The following C12orf76 variants were observed in gnomAD, a reference collection of about 807,000 sequenced individuals.
C12orf76 encodes uncharacterized protein C12orf76.
C12orf76 carries 6 observed loss-of-function variants against 6.8 expected under a neutral mutation model. That is an observed-to-expected ratio of 0.88 (90% CI 0.48 to 1.73). The LOEUF is 1.73. Ranked by LOEUF, C12orf76 falls within the 40% of genes most tolerant of loss-of-function variation. The pLI, the probability that C12orf76 is intolerant of heterozygous loss-of-function variation, is 0.01. For missense variants in C12orf76, 99 were observed against 98.2 expected, an observed-to-expected ratio of 1.01 and a Z score of -0.03; for synonymous variants, 56 against 43.7, an observed-to-expected ratio of 1.28 and a Z score of -1.11.
upstream of C12orf76, among the ~76,000 whole-genome samples, chr12:110,070,676 G>A (rs1892951217): frequency 6.6e-6 from 1 of 152,214 alleles, no homozygotes; most frequent in Non-Finnish European, 1.5e-5. Flanking sequence ...CTGTATTAAT[G>A]CAGAAGGGGG....
chr12:110,062,293 G>T (rs558966602), intron 2 of C12orf76, among the ~76,000 whole-genome samples: 1 of 152,030 alleles, frequency 6.6e-6, no homozygotes, highest in African/African-American at 2.4e-5. Context: ...TATTGTATTC[G>T]GCAGGGTTTC....
At chr12:110,068,337 C>T (rs534452406), upstream of C12orf76, among the ~76,000 whole-genome samples, 4 of 135,416 alleles carry the variant, frequency 3.0e-5, no homozygotes, top group South Asian at 9.4e-4. Context: ...AGAAGGCGGC[C>T]AAATAGAAGC....
At chr12:110,048,550 G>C, upstream of C12orf76, 3 of 1,369,656 alleles carry the variant, frequency 2.2e-6, no homozygotes, top group Non-Finnish European at 2.8e-6. Flanking sequence ...CCCTGCCTCT[G>C]TCTCCTCCCA....
Position 110,041,308 on chromosome 12 carries a change from T to C in C12orf76, c.*1066A>G, listed in dbSNP as rs1304843456. 4 of 152,650 alleles carry C rather than the reference T, an allele frequency of 2.6e-5. No homozygotes were observed. The highest frequency in any genetic ancestry group is 4.4e-5 in the Non-Finnish European group (3 of 68,034). The allele number at this position is 152,650 out of a possible 1,614,324, so 9.5% of individuals were successfully genotyped here. A position where few individuals can be genotyped will look rare whatever the true frequency, so the allele number is the denominator to read the frequency against. ...AGTATCCTACTTCGGTTACTTCACA[T>C]TAAATGCAGGTTGTTAAAATCAGTG... On this transcript the variant is annotated 3_prime_UTR_variant, in exon 2 of 2. Coordinates refer to ENST00000615315, the MANE Select transcript of C12orf76 (RefSeq NM_001389625.1).
At chr12:110,065,069 C>T (rs192744989) in intron 2 of C12orf76, among the ~76,000 whole-genome samples, 17 of 151,946 alleles carry the variant, frequency 1.1e-4, no homozygotes, top group East Asian at 3.9e-4. Context: ...TGGTAGTAGG[C>T]GGTGTTTAAT....
chr12:110,067,184 C>T (rs941996099), intron 1 of C12orf76, among the ~76,000 whole-genome samples: 1 of 152,212 alleles, frequency 6.6e-6, no homozygotes, highest in Non-Finnish European at 1.5e-5. Context: ...CTAAAGAATT[C>T]TCCTAGGTGG....
At chr12:110,050,745 G>A, upstream of C12orf76, 1 of 514,350 alleles carries the variant, frequency 1.9e-6, no homozygotes, top group South Asian at 2.8e-5. Flanking sequence ...GCCCTCGGGG[G>A]CTACTCTGTC....
upstream of C12orf76, among the ~76,000 whole-genome samples, chr12:110,068,231 A>G (rs1181713341): frequency 6.8e-6 from 1 of 147,304 alleles, no homozygotes; most frequent in Non-Finnish European, 1.5e-5. Context: ...GAGAAGGAGA[A>G]GAGAAGAAGA....
At chr12:110,057,130 G>A in intron 4 of C12orf76, 3 of 1,199,606 alleles carry the variant, frequency 2.5e-6, no homozygotes, top group Non-Finnish European at 3.7e-6. Flanking sequence ...CCACCATAAA[G>A]TTGTTCTTCA....
At chr12:110,053,578 A>T (rs553036689), upstream of C12orf76, among the ~76,000 whole-genome samples, 2 of 152,332 alleles carry the variant, frequency 1.3e-5, no homozygotes, top group South Asian at 4.1e-4. Context: ...CTGAAAAGAT[A>T]GCTCATATTT....
At chr12:110,055,242 C>T in intron 4 of C12orf76, among the ~76,000 whole-genome samples, 1 of 142,310 alleles carries the variant, frequency 7.0e-6, no homozygotes, top group East Asian at 2.0e-4. Flanking sequence ...GAGACAGAGT[C>T]TCCCTCTGTC....
At chr12:110,068,232 GAGA>G (rs1190659962), upstream of C12orf76, among the ~76,000 whole-genome samples, 14 of 138,102 alleles carry the variant, frequency 1.0e-4, no homozygotes, top group East Asian at 2.1e-4. Flanking sequence ...AGAAGGAGAA[GAGA>G]AGAAGAAGAA....
intron 2 of C12orf76, among the ~76,000 whole-genome samples, chr12:110,061,026 A>G (rs1218922701): frequency 2.0e-5 from 3 of 150,264 alleles, no homozygotes; most frequent in Non-Finnish European, 4.4e-5. Context: ...TCATTGCAAT[A>G]GAGGAAGAGT....
At chr12:110,065,332 A>C (rs1892840874) in intron 2 of C12orf76, among the ~76,000 whole-genome samples, 1 of 151,756 alleles carries the variant, frequency 6.6e-6, no homozygotes, top group Non-Finnish European at 1.5e-5. Flanking sequence ...CACCACGCCC[A>C]GCTAATTTTT....
chr12:110,059,036 T>G (rs368526788), exon 3 of C12orf76: 19 of 1,551,526 alleles, frequency 1.2e-5, no homozygotes, highest in Non-Finnish European at 1.7e-5. Context: ...GCGAGAAGCT[T>G]GTCCAAGGTC....
At chr12:110,054,208 TAA>T (rs977015610), upstream of C12orf76, among the ~76,000 whole-genome samples, 1 of 152,138 alleles carries the variant, frequency 6.6e-6, no homozygotes, top group Non-Finnish European at 1.5e-5. This position sits in a 1 kb window ranked among gnomAD's most constrained non-coding sequence, Gnocchi z 4.4. Flanking sequence ...CAGTGTGATA[TAA>T]AGTTTAGAGA....
At position 110,065,176 on chromosome 12, in the gene C12orf76, A is replaced by AT. The variant is rs977683622; in HGVS notation, n.380+683dup. Among the ~76,000 whole-genome samples, 461 of 144,712 alleles carry AT rather than the reference A, an allele frequency of 3.2e-3. 5 individuals are homozygous for AT. The highest frequency in any genetic ancestry group is 6.2e-3 in the African/African-American group (248 of 39,700). 94.9% of individuals were successfully genotyped at this position (144,712 alleles called of 152,430 possible). ...TATATGTGCATATATATATATACAC[A>AT]TTTTTTTTTTTTGAGACTGAGTCTC... On this transcript the variant is annotated intron_variant and non_coding_transcript_variant, in intron 2 of 4. Coordinates refer to the C12orf76 transcript ENST00000309050.
intron 3 of C12orf76, among the ~76,000 whole-genome samples, chr12:110,058,073 A>G (rs1303472773): frequency 6.7e-6 from 1 of 150,276 alleles, no homozygotes; most frequent in Non-Finnish European, 1.5e-5. Context: ...CTCAAAAAAA[A>G]AAAAAAAAAA....
At chr12:110,050,720 A>T, upstream of C12orf76, 1 of 458,614 alleles carries the variant, frequency 2.2e-6, no homozygotes, top group Non-Finnish European at 3.9e-6. Context: ...TAATCATAAA[A>T]ATGCCTAACC....
Sources: allele counts gnomAD v4.1 joint callset (sites outside exome capture counted in the v4.1 genomes callset), GRCh38; gene constraint gnomAD v4.1.1; non-coding constraint Gnocchi (gnomAD v3.1); transcripts MANE v1.5; gene names NCBI Gene and HGNC (gene_info 2026-07-23, HGNC 2026-07-21).